Variants in TAOK2 observed in about 807,000 individuals in gnomAD.
TAOK2 encodes the protein serine/threonine-protein kinase TAO2.
TAOK2 carries 42 observed loss-of-function variants against 122.5 expected under a neutral mutation model. The ratio of observed to expected loss-of-function variants is 0.34; its 90% CI spans 0.27 to 0.44. The LOEUF (loss-of-function observed/expected upper bound fraction) is 0.44, where lower values mean the gene tolerates loss of function less well. TAOK2 is among the 20% of genes least tolerant of loss of function. The pLI is 1.00. For synonymous variants in TAOK2, 704 were observed against 677.6 expected (o/e 1.04, Z -0.61); for missense variants, 1,264 against 1,644.9 (o/e 0.77, Z 4.01).
At chr16:29,990,211 TG>T (rs1357690833), downstream of TAOK2, 2 of 191,870 alleles carry the variant, frequency 1.0e-5, no homozygotes, top group Non-Finnish European at 2.2e-5. Flanking sequence ...AACACTGGAA[TG>T]GGCCACTTAA....
intron 1 of TAOK2, among the ~76,000 whole-genome samples, chr16:29,976,797 C>G (rs1257106107): frequency 1.3e-5 from 2 of 152,174 alleles, no homozygotes; most frequent in Non-Finnish European, 2.9e-5. Flanking sequence ...TTGGAGAAGT[C>G]CTTTTTCTTC....
At position 29,986,133 on chromosome 16, in the gene TAOK2, C is replaced by A; in HGVS notation, c.1993-132C>A. The A allele has an allele frequency of 7.2e-7, 1 of 1,391,670 alleles. No homozygotes were observed. The highest frequency in any genetic ancestry group is 9.7e-7 in the Non-Finnish European group (1 of 1,026,696). 86.2% of individuals were successfully genotyped at this position (1,391,670 alleles called of 1,614,324 possible). A position where few individuals can be genotyped will look rare whatever the true frequency, so the allele number is the denominator to read the frequency against. ...TCTGCCAAGGAGCCCTGGCCCCTCACTTCCTTGATACTGACCAGGCCCTGG... is the reference window on the plus strand; with the variant it reads ...TCTGCCAAGGAGCCCTGGCCCCTCAATTCCTTGATACTGACCAGGCCCTGG... On this transcript the variant is annotated intron_variant, in intron 15 of 15. Coordinates refer to ENST00000308893, the MANE Select transcript of TAOK2 (RefSeq NM_016151.4). This position sits in a 1 kb window ranked among gnomAD's most constrained non-coding sequence, Gnocchi z 4.2.
intron 1 of TAOK2, among the ~76,000 whole-genome samples, chr16:29,976,051 T>C (rs1429308199): frequency 6.6e-6 from 1 of 152,140 alleles, no homozygotes; most frequent in Non-Finnish European, 1.5e-5. Flanking sequence ...GCACAGACCT[T>C]GGTTATTGTT....
downstream of TAOK2, chr16:29,991,189 C>T: frequency 6.2e-7 from 1 of 1,611,070 alleles, no homozygotes; most frequent in Non-Finnish European, 8.5e-7. This position sits in a 1 kb window ranked among gnomAD's most constrained non-coding sequence, Gnocchi z 5.6. Flanking sequence ...GGGGGCATCC[C>T]GGCTGAAGCT....
Position 29,983,155 on chromosome 16 carries a change from C to T in TAOK2, c.1083C>T (p.Ala361=). Reference sequence around the variant, plus strand: ...CAGTGCCCAGCATGTCCATCAGCGCCTCCAGCCAGAGCAGCTCCGTCAACA... The same window carrying T: ...CAGTGCCCAGCATGTCCATCAGCGCTTCCAGCCAGAGCAGCTCCGTCAACA... ...SHSVPSMSIS[A]SSQSSSVNSL... The change falls in exon 12 of 16, where the codon GCC becomes GCT. Residue 361 remains alanine (A), a synonymous_variant. Coordinates refer to ENST00000308893, the MANE Select transcript of TAOK2 (RefSeq NM_016151.4). 6.2e-7 allele frequency: 1 copy of T among 1,614,152 alleles called. No homozygotes were observed. Among genetic ancestry groups the T allele is most frequent in the Non-Finnish European group, 8.5e-7 (1 of 1,180,024 alleles).
chr16:29,980,421 C>T (rs2069577900), intron 8 of TAOK2: 1 of 152,298 alleles, frequency 6.6e-6, no homozygotes, highest in Non-Finnish European at 1.5e-5. Flanking sequence ...TCATTTCACT[C>T]CCTGTTTGGA....
downstream of TAOK2, chr16:29,991,398 G>A (rs202158028): frequency 2.4e-5 from 38 of 1,560,168 alleles, no homozygotes; most frequent in East Asian, 2.1e-4. The surrounding 1 kb of genome is among the most constrained non-coding windows in gnomAD (Gnocchi z 5.6). Context: ...ACCCCGTGGC[G>A]GAGCCCTGCT....
At chr16:29,976,749 A>G (rs899968495) in intron 1 of TAOK2, among the ~76,000 whole-genome samples, 1 of 152,230 alleles carries the variant, frequency 6.6e-6, no homozygotes, top group Non-Finnish European at 1.5e-5. Context: ...TAATGGATAC[A>G]GGCCTAACCG....
downstream of TAOK2, chr16:29,991,044 C>T: frequency 6.4e-7 from 1 of 1,574,474 alleles, no homozygotes; most frequent in Non-Finnish European, 8.6e-7. This position sits in a 1 kb window ranked among gnomAD's most constrained non-coding sequence, Gnocchi z 5.6. Context: ...CCGGATGCCC[C>T]AGGTGGAAGA....
At chr16:29,989,108 C>G, downstream of TAOK2, 1 of 985,318 alleles carries the variant, frequency 1.0e-6, no homozygotes, top group Non-Finnish European at 1.2e-6. Flanking sequence ...AGTCGTGTTG[C>G]TTTCTTCATG....
intron 13 of TAOK2, among the ~76,000 whole-genome samples, chr16:29,984,332 C>T (rs534047626): frequency 6.4e-4 from 97 of 152,348 alleles, no homozygotes; most frequent in Admixed American, 1.6e-3. Flanking sequence ...CCTTAGTCCT[C>T]TCCTAAAATC....
intron 4 of TAOK2, 85 bp from the exon 5 acceptor site, chr16:29,978,714 A>G: frequency 6.6e-7 from 1 of 1,517,854 alleles, no homozygotes; most frequent in Non-Finnish European, 9.1e-7. Context: ...CCGGGGACAT[A>G]GCTTGAGTAC....
At chr16:29,991,086 G>A (rs1432463337), downstream of TAOK2, 2 of 1,588,032 alleles carry the variant, frequency 1.3e-6, no homozygotes, top group Non-Finnish European at 8.6e-7. The surrounding 1 kb of genome is among the most constrained non-coding windows in gnomAD (Gnocchi z 5.6). Context: ...AGGACGCTCC[G>A]AGCGAATCCG....
chr16:29,974,999 A>G (rs908863893), intron 1 of TAOK2, among the ~76,000 whole-genome samples: 1 of 151,818 alleles, frequency 6.6e-6, no homozygotes, highest in African/African-American at 2.4e-5. Flanking sequence ...TCTCCTGGCT[A>G]TTCTGTGGTT....
At chr16:29,978,946 C>T (rs1029390630) in intron 5 of TAOK2, 28 bp from the exon 6 acceptor site, 17 of 1,613,710 alleles carry the variant, frequency 1.1e-5, no homozygotes, top group Admixed American at 1.0e-4. Flanking sequence ...TGCGCTCCCT[C>T]GGGTTGATGT....
Position 29,987,965 on chromosome 16 carries a change from G to C in TAOK2, c.3693G>C (p.Leu1231=). 1.3e-5 allele frequency: 20 copies of C among 1,539,340 alleles called. No homozygotes were observed. Among genetic ancestry groups the C allele is most frequent in the Non-Finnish European group, 1.7e-5 (20 of 1,148,348 alleles). ...CACGCACCCGCCAGTCCCGGGCCCT[G>C]CCCCCCTGGAGGTAGCTGACTCCAG... ...RRSRTRQSRA[L]PPWR The change falls in exon 16 of 16, where the codon CTG becomes CTC. Residue 1231 remains leucine (L), a synonymous_variant. Transcript: ENST00000308893.
chr16:29,991,354 C>T (rs2069964759), downstream of TAOK2: 4 of 1,594,104 alleles, frequency 2.5e-6, no homozygotes, highest in Non-Finnish European at 3.4e-6. The surrounding 1 kb of genome is among the most constrained non-coding windows in gnomAD (Gnocchi z 5.6). Context: ...CCAGGCCCCC[C>T]AAACTGGCTG....
In TAOK2 at chr16:29,985,306, C is replaced by T. The variant is rs902708745; in HGVS notation, c.1516C>T (p.Leu506=). 1.9e-6 allele frequency: 3 copies of T among 1,606,748 alleles called. No individual in the cohort carries two copies. The highest frequency in any genetic ancestry group is 2.6e-6 in the Non-Finnish European group (3 of 1,175,496). The change falls in exon 14 of 16, where the codon CTG becomes TTG. Residue 506 remains leucine, a synonymous_variant. Coordinates refer to ENST00000308893, the MANE Select transcript of TAOK2 (RefSeq NM_016151.4). This position sits in a 1 kb window ranked among gnomAD's most constrained non-coding sequence, Gnocchi z 6.9. Reference sequence around the variant, plus strand: ...GATGCGACGACAGCACCAGAAGCAGCTGCTGGCCCTGGAGTCACGGCTGAG... The same window carrying T: ...GATGCGACGACAGCACCAGAAGCAGTTGCTGGCCCTGGAGTCACGGCTGAG... ...KRMRRQHQKQ[L]LALESRLRGE...
chr16:29,985,842 A>G lies in TAOK2; in HGVS notation c.1973A>G (p.Asp658Gly). 6.2e-7 allele frequency: 1 copy of G among 1,611,714 alleles called. No individual in the cohort carries two copies. The highest frequency in any genetic ancestry group is 8.5e-7 in the Non-Finnish European group (1 of 1,179,738). Residue 658 changes from aspartate (D) to glycine (G), a missense_variant, in exon 15 of 16, where the codon GAC becomes GGC. By Grantham distance (94) the Asp-to-Gly change is moderately conservative. Around this residue, in one of 4 missense-constraint regions of TAOK2, gnomAD observed 824 missense variants for 908.7 expected, o/e 0.91. Transcript: ENST00000308893. The surrounding 1 kb of genome is among the most constrained non-coding windows in gnomAD (Gnocchi z 6.9). The stretch of plus-strand genomic sequence containing the variant: ...ATGTTGCTGGCTCGGCACAGCCTGG[A>G]CCAGGACCTGCTGCGGGAGGTAGGC... ...RKMLLARHSL[D>G]QDLLREDLNK...
Sources: allele counts gnomAD v4.1 joint callset (sites outside exome capture counted in the v4.1 genomes callset), GRCh38; gene constraint gnomAD v4.1.1; regional missense constraint gnomAD v4.1.1; non-coding constraint Gnocchi (gnomAD v3.1); transcripts MANE v1.5; gene names NCBI Gene and HGNC (gene_info 2026-07-23, HGNC 2026-07-21).